Variants in PTPRD observed in about 807,000 individuals in gnomAD.
The protein encoded by PTPRD is receptor-type tyrosine-protein phosphatase delta.
PTPRD carries 34 observed loss-of-function variants against 214.5 expected under a neutral mutation model. The ratio of observed to expected loss-of-function variants is 0.16; its 90% CI spans 0.12 to 0.21. The LOEUF (loss-of-function observed/expected upper bound fraction) is 0.21, where lower values mean the gene tolerates loss of function less well. PTPRD is among the 10% of genes least tolerant of loss of function. PTPRD has a pLI of 1.00. For missense variants in PTPRD, 2,545 were observed against 2,398.7 expected, an observed-to-expected ratio of 1.06 and a Z score of -1.27; for synonymous variants, 1,128 against 845.7, an observed-to-expected ratio of 1.33 and a Z score of -5.79.
At chr9:10,048,435 T>C (rs1271155716) in intron 3 of PTPRD, among the ~76,000 whole-genome samples, 1 of 152,142 alleles carries the variant, frequency 6.6e-6, no homozygotes, top group Non-Finnish European at 1.5e-5. Context: ...TTATATAATC[T>C]TTGACCTGTG....
In PTPRD at chr9:8,341,281, A is replaced by G. The variant is rs762280346; in HGVS notation, c.4948-13T>C. 6.5e-5 allele frequency: 30 copies of G among 461,978 alleles called. No individual in the cohort carries two copies. The highest frequency in any genetic ancestry group is 7.0e-5 in the Non-Finnish European group (23 of 326,266). 28.6% of individuals were successfully genotyped at this position (461,978 alleles called of 1,614,324 possible). A position where few individuals can be genotyped will look rare whatever the true frequency, so the allele number is the denominator to read the frequency against. On this transcript the variant is annotated splice_polypyrimidine_tract_variant and intron_variant, in intron 40 of 45. Coordinates refer to ENST00000381196, the MANE Select transcript of PTPRD (RefSeq NM_002839.4). ...AGCTGGCTAGACGCTGTTGAATAGGAAAAAAAAAAAAGGAAAAACCCAACA... is the reference window on the plus strand; with the variant it reads ...AGCTGGCTAGACGCTGTTGAATAGGGAAAAAAAAAAAGGAAAAACCCAACA...
intron 2 of PTPRD, among the ~76,000 whole-genome samples, chr9:10,393,981 A>T (rs1258705065): frequency 6.8e-6 from 1 of 147,862 alleles, no homozygotes; most frequent in Non-Finnish European, 1.5e-5. Context: ...CTGTGACCAG[A>T]TGTAGTTCCA....
chr9:10,243,742 A>G (rs1285474619), intron 3 of PTPRD, among the ~76,000 whole-genome samples: 1 of 152,044 alleles, frequency 6.6e-6, no homozygotes, highest in Middle Eastern at 3.4e-3. Flanking sequence ...TCTAATTACT[A>G]TCTTGCTCCA....
At chr9:10,068,362 T>A (rs1567467664) in intron 3 of PTPRD, among the ~76,000 whole-genome samples, 1 of 151,908 alleles carries the variant, frequency 6.6e-6, no homozygotes, top group Non-Finnish European at 1.5e-5. Flanking sequence ...GAGTATCATA[T>A]AAGATAATCC....
At chr9:8,902,232 G>C (rs1587718146) in intron 11 of PTPRD, among the ~76,000 whole-genome samples, 2 of 152,118 alleles carry the variant, frequency 1.3e-5, no homozygotes, top group Admixed American at 6.5e-5. Flanking sequence ...AGTGTTGTTG[G>C]TAGAACAGCA....
chr9:8,946,178 T>C (rs1024579367), intron 11 of PTPRD, among the ~76,000 whole-genome samples: 1 of 152,244 alleles, frequency 6.6e-6, no homozygotes, highest in Non-Finnish European at 1.5e-5. Flanking sequence ...TTAACATCAC[T>C]TGATAGCCAT....
rs72700323 is a variant in PTPRD at position 8,656,027 on chromosome 9, A to G, written c.65-19183T>C. ...TTTACATCTCTAATTTACCCGAGAT[A>G]GCATCAACTCTCACTATTCATAAAC... On this transcript the variant is annotated intron_variant, in intron 12 of 45. Coordinates refer to ENST00000381196, the MANE Select transcript of PTPRD (RefSeq NM_002839.4). Among the ~76,000 whole-genome samples the G allele has an allele frequency of 2.7e-3, 409 of 152,342 alleles. 1 individual carries two copies. The highest frequency in any genetic ancestry group is 4.1e-3 in the Admixed American group (62 of 15,304).
chr9:10,121,327 G>A (rs2098773450), intron 3 of PTPRD, among the ~76,000 whole-genome samples: 1 of 152,054 alleles, frequency 6.6e-6, no homozygotes, highest in African/African-American at 2.4e-5. Context: ...TTGGCTTTGG[G>A]ATACATTTCA....
chr9:10,323,263 C>CCCTCCCCTCCCCTCCCCTCT, intron 3 of PTPRD, among the ~76,000 whole-genome samples: 2 of 47,842 alleles, frequency 4.2e-5, no homozygotes, highest in African/African-American at 1.7e-4. Flanking sequence ...CCCTTCTCTC[C>CCCTCCCCTCCCCTCCCCTCT]CCTCCCCTCC....
At chr9:10,581,956 T>C (rs2072013005) in intron 2 of PTPRD, among the ~76,000 whole-genome samples, 1 of 152,180 alleles carries the variant, frequency 6.6e-6, no homozygotes, top group Non-Finnish European at 1.5e-5. Flanking sequence ...TTCATAACAA[T>C]AACCTAGAAT....
intron 34 of PTPRD, among the ~76,000 whole-genome samples, chr9:8,446,248 A>G (rs1355396614): frequency 1.3e-5 from 2 of 152,222 alleles, no homozygotes; most frequent in East Asian, 1.9e-4. Flanking sequence ...TTGGAATGCT[A>G]TATTTATATG....
chr9:9,282,162 G>C (rs376171340), intron 9 of PTPRD, among the ~76,000 whole-genome samples: 1 of 151,264 alleles, frequency 6.6e-6, no homozygotes, highest in African/African-American at 2.4e-5. Flanking sequence ...CCCTATATGA[G>C]ACTGTAATGG....
intron 3 of PTPRD, among the ~76,000 whole-genome samples, chr9:10,085,392 G>A (rs935753229): frequency 1.3e-5 from 2 of 151,774 alleles, no homozygotes; most frequent in South Asian, 2.1e-4. Flanking sequence ...ATAACTGCTG[G>A]AGATATTTTT....
intron 22 of PTPRD, among the ~76,000 whole-genome samples, chr9:8,506,320 C>T (rs757516434): frequency 6.6e-6 from 1 of 152,000 alleles, no homozygotes; most frequent in Non-Finnish European, 1.5e-5. Flanking sequence ...AAACACAGTG[C>T]CATTAACTCC....
intron 12 of PTPRD, among the ~76,000 whole-genome samples, chr9:8,689,504 G>T (rs140047609): frequency 6.7e-4 from 102 of 152,282 alleles, no homozygotes; most frequent in African/African-American, 2.4e-3. Flanking sequence ...CTTCTTACAT[G>T]GTGGCGGTAA....
chr9:8,371,951 T>A (rs551726219), intron 39 of PTPRD, among the ~76,000 whole-genome samples: 8 of 152,090 alleles, frequency 5.3e-5, no homozygotes, highest in Admixed American at 4.6e-4. Flanking sequence ...CAAAGGGGCA[T>A]GAATGCAATG....
intron 8 of PTPRD, among the ~76,000 whole-genome samples, chr9:9,520,871 T>C (rs2096954669): frequency 6.6e-6 from 1 of 152,146 alleles, no homozygotes; most frequent in African/African-American, 2.4e-5. Flanking sequence ...AAGCAGTCTA[T>C]GACCTGAAGA....
chr9:9,987,409 T>C (rs902606549), intron 4 of PTPRD, among the ~76,000 whole-genome samples: 3 of 152,092 alleles, frequency 2.0e-5, no homozygotes, highest in African/African-American at 7.2e-5. Flanking sequence ...GTTGCAATCA[T>C]GGTAGAAGGC....
At chr9:9,766,291 C>A (rs1278833518) in intron 6 of PTPRD, among the ~76,000 whole-genome samples, 1 of 151,992 alleles carries the variant, frequency 6.6e-6, no homozygotes, top group African/African-American at 2.4e-5. Flanking sequence ...CTTGAACTAT[C>A]CCCCCTATCT....
Sources: gnomAD v4.1 joint callset for allele counts (sites outside exome capture counted in the v4.1 genomes callset) on GRCh38, gnomAD v4.1.1 for gene constraint, MANE v1.5 for transcripts, NCBI Gene and HGNC (gene_info 2026-07-23, HGNC 2026-07-21) for gene names.